MYO6: variants seen among roughly 807,000 people sequenced by gnomAD.
The protein encoded by MYO6 is unconventional myosin-VI.
MYO6 carries 74 observed loss-of-function variants against 178.7 expected under a neutral mutation model. That is an observed-to-expected ratio of 0.41 (90% CI 0.34 to 0.50). The LOEUF is 0.50. MYO6 is among the 20% of genes least tolerant of loss of function. The pLI is 0.09. For synonymous variants in MYO6, 477 were observed against 504.6 expected (o/e 0.95, Z 0.73); for missense variants, 1,330 against 1,547.4 (o/e 0.86, Z 2.36).
At chr6:75,910,433 A>G (rs1780676669) in intron 32 of MYO6, among the ~76,000 whole-genome samples, 1 of 152,136 alleles carries the variant, frequency 6.6e-6, no homozygotes, top group South Asian at 2.1e-4. Context: ...TTATTCATCT[A>G]GCTTTACCCA....
chr6:75,755,404 GA>G (rs1428714915), intron 1 of MYO6, among the ~76,000 whole-genome samples: 2 of 152,106 alleles, frequency 1.3e-5, no homozygotes, highest in African/African-American at 4.8e-5. Flanking sequence ...AGGAAGTTCT[GA>G]AAAATTAGGG....
At chr6:75,779,536 T>A (rs551344840) in intron 1 of MYO6, among the ~76,000 whole-genome samples, 17 of 152,228 alleles carry the variant, frequency 1.1e-4, no homozygotes, top group African/African-American at 3.9e-4. Context: ...ACTGTTGTTT[T>A]AAAAAAATGC....
chr6:75,759,525 AG>A (rs2149981800), intron 1 of MYO6, among the ~76,000 whole-genome samples: 1 of 151,336 alleles, frequency 6.6e-6, no homozygotes, highest in African/African-American at 2.4e-5. Flanking sequence ...TCTTCCTCCG[AG>A]TCTCCACCGG....
intron 10 of MYO6, among the ~76,000 whole-genome samples, chr6:75,848,046 C>G (rs983564444): frequency 1.3e-5 from 2 of 151,774 alleles, no homozygotes; most frequent in African/African-American, 4.8e-5. Context: ...TTCTAATATG[C>G]TAGGATTATA....
At chr6:75,867,948 C>T (rs2312933) in intron 18 of MYO6, among the ~76,000 whole-genome samples, 129,616 of 152,024 alleles carry the variant, frequency 0.85, 56,261 homozygotes, top group Admixed American at 0.92. Context: ...AAAATGTATA[C>T]GAGAGAATTA....
In MYO6 at chr6:75,918,247, T is replaced by G. The variant is rs1171650713; in HGVS notation, c.*3235T>G. 2.0e-5 allele frequency: 3 copies of G among 151,768 alleles called. No individual in the cohort carries two copies. The highest frequency in any genetic ancestry group is 4.8e-5 in the African/African-American group (2 of 41,268). 9.4% of individuals were successfully genotyped at this position (151,768 alleles called of 1,614,324 possible). A position where few individuals can be genotyped will look rare whatever the true frequency, so the allele number is the denominator to read the frequency against. On this transcript the variant is annotated 3_prime_UTR_variant, in exon 35 of 35. Coordinates refer to ENST00000369977, the MANE Select transcript of MYO6 (RefSeq NM_004999.4). ...TTAAAATTTCTCCCAGAAGATAAAC[T>G]AACAAGGATGGAAGGGGAGGGCAAA...
chr6:75,823,693 C>A (rs10806048), intron 3 of MYO6, among the ~76,000 whole-genome samples: 57,235 of 152,072 alleles, frequency 0.38, 11,417 homozygotes, highest in East Asian at 0.54. Context: ...GCAGCATAGA[C>A]TAGTGGGAGT....
chr6:75,865,680 T>C (rs757750628), intron 16 of MYO6, among the ~76,000 whole-genome samples: 1 of 152,080 alleles, frequency 6.6e-6, no homozygotes, highest in Non-Finnish European at 1.5e-5. Context: ...TCACTTTTCT[T>C]ACCCTTAGGT....
chr6:75,881,742 G>C lies in MYO6; in HGVS notation c.2340G>C (p.Leu780Phe). Residue 780 changes from leucine to phenylalanine, a missense_variant, in exon 23 of 35, where the codon TTG becomes TTC. Transcript: ENST00000369977. ...CTGACCCTGACCACTTAGCAGAGTTGGTTAAAAGAGTCAATCACTGGCTCA... is the reference window on the plus strand; with the variant it reads ...CTGACCCTGACCACTTAGCAGAGTTCGTTAAAAGAGTCAATCACTGGCTCA... ...MKSDPDHLAELVKRVNHWLTC... is the reference protein window; with the variant it reads ...MKSDPDHLAEFVKRVNHWLTC... The C allele has an allele frequency of 6.2e-7, 1 of 1,613,946 alleles. No individual in the cohort carries two copies. Among genetic ancestry groups the C allele is most frequent in the South Asian group, 1.1e-5 (1 of 91,076 alleles).
At chr6:75,865,491 G>A (rs1307491823) in intron 16 of MYO6, among the ~76,000 whole-genome samples, 1 of 148,780 alleles carries the variant, frequency 6.7e-6, no homozygotes, top group Non-Finnish European at 1.5e-5. Context: ...AGCCTCTCGA[G>A]TAGCTGGGAC....
chr6:75,840,254 C>T (rs1034940987), intron 7 of MYO6, among the ~76,000 whole-genome samples: 3 of 151,534 alleles, frequency 2.0e-5, no homozygotes, highest in Non-Finnish European at 4.4e-5. Flanking sequence ...CTCCGCCTCC[C>T]GGGTTCAAGT....
At chr6:75,762,724 T>G (rs1778060344) in intron 1 of MYO6, among the ~76,000 whole-genome samples, 1 of 152,164 alleles carries the variant, frequency 6.6e-6, no homozygotes, top group African/African-American at 2.4e-5. Flanking sequence ...AGGGGAGGCC[T>G]CCTAGACCCA....
At chr6:75,786,408 C>A (rs901411641) in intron 1 of MYO6, among the ~76,000 whole-genome samples, 1 of 152,156 alleles carries the variant, frequency 6.6e-6, no homozygotes, top group Non-Finnish European at 1.5e-5. Context: ...ATAAGCTTGT[C>A]AAGTTCCTGG....
chr6:75,861,347 T>C (rs931944389), intron 15 of MYO6, among the ~76,000 whole-genome samples: 1 of 152,324 alleles, frequency 6.6e-6, no homozygotes, highest in Admixed American at 6.5e-5. Flanking sequence ...ATAGTTAGCA[T>C]GTGAATTGGT....
chr6:75,805,913 G>A (rs1770028122), intron 1 of MYO6, among the ~76,000 whole-genome samples: 1 of 152,146 alleles, frequency 6.6e-6, no homozygotes, highest in African/African-American at 2.4e-5. Flanking sequence ...CTTATAGTGA[G>A]TGAGTATCTT....
intron 25 of MYO6, 50 bp downstream of exon 25, chr6:75,887,044 AT>A (rs1192823711): frequency 6.5e-6 from 10 of 1,536,738 alleles, no homozygotes; most frequent in Non-Finnish European, 9.0e-6. Flanking sequence ...AATTTAATAT[AT>A]TTTGTTATTG....
chr6:75,790,643 T>A (rs957938944), intron 1 of MYO6, among the ~76,000 whole-genome samples: 2 of 152,166 alleles, frequency 1.3e-5, no homozygotes, highest in Admixed American at 6.5e-5. Context: ...CCTCCCAATG[T>A]GTTTGGATTA....
chr6:75,888,918 T>C (rs62414802), intron 25 of MYO6, among the ~76,000 whole-genome samples: 34,377 of 152,120 alleles, frequency 0.23, 5,070 homozygotes, highest in Non-Finnish European at 0.33. Context: ...TTTGTTTTGA[T>C]TTTTATTTAT....
At chr6:75,907,413 T>C (rs1780413209) in intron 30 of MYO6, among the ~76,000 whole-genome samples, 192 bp from the exon 31 acceptor site, 2 of 152,202 alleles carry the variant, frequency 1.3e-5, no homozygotes, top group Admixed American at 6.5e-5. Flanking sequence ...TCGAGTGGCA[T>C]GCTGGAAATT....
Sources: allele counts gnomAD v4.1 joint callset (sites outside exome capture counted in the v4.1 genomes callset), GRCh38; gene constraint gnomAD v4.1.1; transcripts MANE v1.5; gene names NCBI Gene and HGNC (gene_info 2026-07-23, HGNC 2026-07-21).